The following TNKS variants were observed in gnomAD, a reference collection of about 807,000 sequenced individuals.
TNKS encodes tankyrase, also known as poly [ADP-ribose] polymerase tankyrase-1.
TNKS carries 72 observed loss-of-function variants against 135.8 expected under a neutral mutation model. The observed-to-expected ratio is 0.53, with a 90% CI of 0.44 to 0.64. The LOEUF (loss-of-function observed/expected upper bound fraction) is 0.64, where lower values mean the gene tolerates loss of function less well. Ranked by LOEUF, TNKS falls within the 30% of genes least tolerant of loss-of-function variation. TNKS has a pLI of 0.00. For missense variants in TNKS, 1,769 were observed against 1,674.0 expected, an observed-to-expected ratio of 1.06 and a Z score of -0.99; for synonymous variants, 849 against 649.3, an observed-to-expected ratio of 1.31 and a Z score of -4.68.
chr8:9,677,607 T>C (rs1218017730), intron 3 of TNKS, among the ~76,000 whole-genome samples: 1 of 152,156 alleles, frequency 6.6e-6, no homozygotes, highest in Non-Finnish European at 1.5e-5. Flanking sequence ...TTGCCCACCT[T>C]CCTCTCCAAC....
chr8:9,676,240 T>C (rs1382406174), intron 3 of TNKS, among the ~76,000 whole-genome samples: 1 of 152,070 alleles, frequency 6.6e-6, no homozygotes, highest in Non-Finnish European at 1.5e-5. Flanking sequence ...CTCGAACTCC[T>C]GACCTCAGGT....
intron 11 of TNKS, among the ~76,000 whole-genome samples, chr8:9,717,101 A>ATATATATATTTT (rs1454492300): frequency 1.4e-4 from 17 of 119,318 alleles, no homozygotes; most frequent in African/African-American, 4.0e-4. Flanking sequence ...ATATATATAT[A>ATATATATATTTT]TTTTCAGGGA....
rs779264051 is a variant in TNKS, at chr8:9,735,097, A to C, written c.2533+13A>C. 1.3e-5 allele frequency: 21 copies of C among 1,609,472 alleles called. No homozygotes were observed. Among genetic ancestry groups the C allele is most frequent in the Non-Finnish European group, 1.6e-5 (19 of 1,178,128 alleles). On this transcript the variant is annotated intron_variant, in intron 16 of 26. Transcript: ENST00000310430. ...CTGCACCTGGCAGGTAAGCGCCCCC[A>C]GTGCCTCCAAGCCTCCTTTTCCTTT...
chr8:9,586,217 G>A (rs1798374143), intron 2 of TNKS, among the ~76,000 whole-genome samples: 1 of 152,108 alleles, frequency 6.6e-6, no homozygotes. Flanking sequence ...ATAGAGATCT[G>A]ATGGTATTTT....
chr8:9,674,985 T>C (rs1802475335), intron 3 of TNKS, among the ~76,000 whole-genome samples: 1 of 152,226 alleles, frequency 6.6e-6, no homozygotes, highest in African/African-American at 2.4e-5. Flanking sequence ...GTGATAACTT[T>C]GTAATTTACC....
At chr8:9,731,082 A>G in intron 14 of TNKS, 47 bp downstream of exon 14, 1 of 1,481,510 alleles carries the variant, frequency 6.7e-7, no homozygotes, top group Non-Finnish European at 9.0e-7. Flanking sequence ...CTTCATGCTT[A>G]AAAAATTTAA....
chr8:9,690,113 T>C (rs1301737746), intron 5 of TNKS, among the ~76,000 whole-genome samples: 1 of 152,222 alleles, frequency 6.6e-6, no homozygotes, highest in South Asian at 2.1e-4. Flanking sequence ...CTATTTCTCA[T>C]TCGATGATGA....
intron 17 of TNKS, among the ~76,000 whole-genome samples, chr8:9,744,558 G>C (rs1806138150): frequency 6.6e-6 from 1 of 152,150 alleles, no homozygotes; most frequent in African/African-American, 2.4e-5. Flanking sequence ...TTGTATTGCA[G>C]CTGGATTCTG....
chr8:9,697,741 T>C (rs1377070658), intron 5 of TNKS, among the ~76,000 whole-genome samples: 1 of 152,138 alleles, frequency 6.6e-6, no homozygotes, highest in African/African-American at 2.4e-5. Flanking sequence ...TGAGATACTG[T>C]CTCACACCAC....
chr8:9,590,580 A>G (rs1344377923), intron 2 of TNKS, among the ~76,000 whole-genome samples: 1 of 152,346 alleles, frequency 6.6e-6, no homozygotes, highest in East Asian at 1.9e-4. Flanking sequence ...CATCCCTGGC[A>G]TAATAAAGCT....
At position 9,555,995 on chromosome 8, in the gene TNKS, A is replaced by G; in HGVS notation, c.56A>G (p.Gln19Arg). 3 of 1,613,336 alleles carry G rather than the reference A, an allele frequency of 1.9e-6. No individual in the cohort carries two copies. Among genetic ancestry groups the G allele is most frequent in the Non-Finnish European group, 2.5e-6 (3 of 1,179,860 alleles). The stretch of plus-strand genomic sequence containing the variant: ...CACCACCATCATCAACAACAGCTCC[A>G]GCCCGCCCCAGGGGCTTCAGCGCCG... Reference protein sequence around the residue: ...HHHHHHQQQLQPAPGASAPPP... With the variant: ...HHHHHHQQQLRPAPGASAPPP... The change falls in exon 1 of 27, where the codon CAG becomes CGG. Residue 19 changes from glutamine to arginine, a missense_variant. Around this residue, in one of 5 missense-constraint regions of TNKS, gnomAD observed 450 missense variants for 304.9 expected, o/e 1.48. Transcript: ENST00000310430.
chr8:9,696,309 G>A (rs1443776400), intron 5 of TNKS, among the ~76,000 whole-genome samples: 3 of 152,138 alleles, frequency 2.0e-5, no homozygotes, highest in African/African-American at 7.2e-5. Context: ...GGAGTGTGGT[G>A]AACTAGATGC....
chr8:9,675,020 A>G (rs1563160065), intron 3 of TNKS, among the ~76,000 whole-genome samples: 1 of 152,174 alleles, frequency 6.6e-6, no homozygotes, highest in Non-Finnish European at 1.5e-5. Flanking sequence ...TATATTTTTG[A>G]AAGATCCTGG....
chr8:9,558,285 T>G (rs1797172101), intron 1 of TNKS: 2 of 152,212 alleles, frequency 1.3e-5, no homozygotes, highest in Non-Finnish European at 2.9e-5. Flanking sequence ...GTCACTGGAT[T>G]CATTATTGAT....
chr8:9,712,845 A>G (rs1053989671), intron 11 of TNKS, among the ~76,000 whole-genome samples: 2 of 152,204 alleles, frequency 1.3e-5, no homozygotes, highest in African/African-American at 4.8e-5. Flanking sequence ...AGCTGTAATC[A>G]TGCCACTACA....
intron 2 of TNKS, among the ~76,000 whole-genome samples, chr8:9,585,193 T>C (rs1798323366): frequency 6.6e-6 from 1 of 151,446 alleles, no homozygotes; most frequent in South Asian, 2.1e-4. Flanking sequence ...AACAATTTAG[T>C]AGATGAATTA....
intron 2 of TNKS, among the ~76,000 whole-genome samples, chr8:9,589,534 A>T (rs905783788): frequency 2.0e-5 from 3 of 152,222 alleles, no homozygotes; most frequent in African/African-American, 7.2e-5. Context: ...CTTGGCTTCA[A>T]GTCCACTCTT....
chr8:9,630,184 G>C (rs192635984), intron 3 of TNKS, among the ~76,000 whole-genome samples: 8 of 152,196 alleles, frequency 5.3e-5, no homozygotes, highest in African/African-American at 1.7e-4. Context: ...TTCAGTACTG[G>C]CTTCATAACA....
chr8:9,752,750 T>A, intron 20 of TNKS, 124 bp downstream of exon 20: 1 of 588,158 alleles, frequency 1.7e-6, no homozygotes, highest in South Asian at 2.9e-5. Flanking sequence ...AGCCCAGGAG[T>A]TTGAGACCAG....
Sources: gnomAD v4.1 joint callset for allele counts (sites outside exome capture counted in the v4.1 genomes callset) on GRCh38, gnomAD v4.1.1 for gene constraint, gnomAD v4.1.1 regional missense constraint, MANE v1.5 for transcripts, NCBI Gene and HGNC (gene_info 2026-07-23, HGNC 2026-07-21) for gene names.